The following BRSK1 variants were observed in gnomAD, a reference collection of about 807,000 sequenced individuals.
BRSK1 encodes BR serine/threonine kinase 1.
Under a neutral mutation model 86.2 loss-of-function variants are expected in BRSK1, and 17 were observed. The observed-to-expected ratio is 0.20, with a 90% CI of 0.14 to 0.30. BRSK1 has a LOEUF of 0.30. Ranked by LOEUF, BRSK1 falls within the 10% of genes least tolerant of loss-of-function variation. BRSK1 has a pLI of 1.00. For synonymous variants in BRSK1, 464 were observed against 440.1 expected (o/e 1.05, Z -0.68); for missense variants, 719 against 1,071.9 (o/e 0.67, Z 4.60).
rs1367827975 is a variant in BRSK1 at position 55,289,542 on chromosome 19, G to A, written c.380G>A (p.Arg127Lys). The change falls in exon 4 of 19, where the codon AGA (arginine) becomes AAA (lysine). Residue 127 changes from arginine (R) to lysine (K), a missense_variant. Around this residue, in one of 6 missense-constraint regions of BRSK1, gnomAD observed 75 missense variants for 281.0 expected, o/e 0.27. Coordinates refer to ENST00000309383, the MANE Select transcript of BRSK1 (RefSeq NM_032430.2). ...ELFDYLVKKGRLTPKEARKFF... is the reference protein window; with the variant it reads ...ELFDYLVKKGKLTPKEARKFF... The stretch of plus-strand genomic sequence containing the variant: ...TTCGACTACCTGGTAAAGAAGGGGA[G>A]ACTGACGCCCAAGGAGGCCCGAAAG... 1 of 1,614,102 alleles carries A rather than the reference G, an allele frequency of 6.2e-7. No homozygotes were observed. Among genetic ancestry groups the A allele is most frequent in the Non-Finnish European group, 8.5e-7 (1 of 1,180,012 alleles).
chr19:55,311,333 A>C (rs955049051), intron 18 of BRSK1, among the ~76,000 whole-genome samples: 2 of 152,090 alleles, frequency 1.3e-5, no homozygotes, highest in African/African-American at 4.8e-5. Context: ...GGCCCCATGG[A>C]AATTGCTGGA....
At chr19:55,307,562 A>AAAAG (rs2088673780) in intron 17 of BRSK1, among the ~76,000 whole-genome samples, 1 of 149,480 alleles carries the variant, frequency 6.7e-6, no homozygotes, top group African/African-American at 2.5e-5. Context: ...AAAAAAAAAA[A>AAAAG]AAAAGGCTAA....
chr19:55,295,111 ATTTTATTTTTATTTTTAT>A (rs995585037), intron 7 of BRSK1, among the ~76,000 whole-genome samples: 1 of 149,540 alleles, frequency 6.7e-6, no homozygotes, highest in African/African-American at 2.5e-5. Flanking sequence ...AGCTGAATTT[ATTTTATTTTTATTTTTAT>A]TTTTATTTTT....
At chr19:55,305,409 A>T (rs758748611) in intron 15 of BRSK1, 40 bp downstream of exon 15, 4 of 1,613,856 alleles carry the variant, frequency 2.5e-6, no homozygotes, top group Non-Finnish European at 3.4e-6. Flanking sequence ...GATGCAGGGG[A>T]TTCATGCCCT....
In BRSK1 at chr19:55,304,681, C is replaced by A; in HGVS notation, c.1478C>A (p.Pro493Gln). 2 of 1,484,156 alleles carry A rather than the reference C, an allele frequency of 1.3e-6. No homozygotes were observed. The highest frequency in any genetic ancestry group is 1.3e-5 in the South Asian group (1 of 74,546). 91.9% of individuals were successfully genotyped at this position (1,484,156 alleles called of 1,614,324 possible). A position where few individuals can be genotyped will look rare whatever the true frequency, so the allele number is the denominator to read the frequency against. Residue 493 changes from proline (P) to glutamine (Q), a missense_variant, in exon 14 of 19, where the codon CCG (proline) becomes CAG (glutamine). Physicochemically the swap from Pro to Gln is moderately conservative, Grantham distance 76. Transcript: ENST00000309383. The surrounding 1 kb of genome is among the most constrained non-coding windows in gnomAD (Gnocchi z 5.2). Reference protein sequence around the residue: ...PRGGGAGEQPPPPSARSTPLP... With the variant: ...PRGGGAGEQPQPPSARSTPLP... Reference sequence around the variant, plus strand: ...GGTGGGGGCGCCGGGGAGCAGCCCCCGCCCCCCAGTGCCCGCTCCACACCC... The same window carrying A: ...GGTGGGGGCGCCGGGGAGCAGCCCCAGCCCCCCAGTGCCCGCTCCACACCC...
At chr19:55,299,472 G>A (rs539675911) in intron 7 of BRSK1, among the ~76,000 whole-genome samples, 225 of 146,404 alleles carry the variant, frequency 1.5e-3, no homozygotes, top group Middle Eastern at 7.2e-3. Context: ...TGCAGCCTCC[G>A]CCTCCTGGGT....
rs1258283634 is a variant in BRSK1, at chr19:55,304,906, G to A, written c.1703G>A (p.Arg568Gln). The A allele has an allele frequency of 1.2e-6, 2 of 1,608,240 alleles. No individual in the cohort carries two copies. The highest frequency in any genetic ancestry group is 1.7e-6 in the Non-Finnish European group (2 of 1,179,766). The change falls in exon 14 of 19, where the codon CGG becomes CAG. Residue 568 changes from arginine to glutamine, a missense_variant. Transcript: ENST00000309383. This position sits in a 1 kb window ranked among gnomAD's most constrained non-coding sequence, Gnocchi z 5.2. The stretch of plus-strand genomic sequence containing the variant: ...TTCCTGGGCTCCCCTCGCTTTCACC[G>A]GCGCAAGATGCAGGGTATGGGGGCA... Reference protein sequence around the residue: ...NSFLGSPRFHRRKMQVPTAEE... With the variant: ...NSFLGSPRFHQRKMQVPTAEE...
At chr19:55,298,753 G>A (rs1204580187) in intron 7 of BRSK1, among the ~76,000 whole-genome samples, 2 of 152,078 alleles carry the variant, frequency 1.3e-5, no homozygotes, top group Non-Finnish European at 2.9e-5. Context: ...TTGTGTTGTT[G>A]GTGGCAATTT....
At position 55,303,104 on chromosome 19, in the gene BRSK1, C is replaced by T; in HGVS notation, c.1029-207C>T. 1 of 634,864 alleles carries T rather than the reference C, an allele frequency of 1.6e-6. No homozygotes were observed. The highest frequency in any genetic ancestry group is 2.0e-5 in the South Asian group (1 of 49,086). 39.3% of individuals were successfully genotyped at this position (634,864 alleles called of 1,614,324 possible). ...ACATAGTACTTACAAATAGTTCTTG[C>T]CTGGATGTTAGGTGTTACAGTGTTA... On this transcript the variant is annotated intron_variant, in intron 10 of 18. Transcript: ENST00000309383. This position sits in a 1 kb window ranked among gnomAD's most constrained non-coding sequence, Gnocchi z 5.1.
chr19:55,311,330 T>C (rs1029343931), intron 18 of BRSK1, among the ~76,000 whole-genome samples: 1 of 152,058 alleles, frequency 6.6e-6, no homozygotes, highest in African/African-American at 2.4e-5. Context: ...CTAGGCCCCA[T>C]GGAAATTGCT....
At position 55,307,125 on chromosome 19, in the gene BRSK1, G is replaced by A. The variant is rs142753703; in HGVS notation, c.2089+675G>A. Among the ~76,000 whole-genome samples, 57 of 152,324 alleles carry A rather than the reference G, an allele frequency of 3.7e-4. No homozygotes were observed. The East Asian group carries it at 0.011, about 28-fold the overall frequency. ...CATTTGGATAGGGAGGGATATCGCCGATCTCTTTGTCACCAATATTAATAT... is the reference window on the plus strand; with the variant it reads ...CATTTGGATAGGGAGGGATATCGCCAATCTCTTTGTCACCAATATTAATAT... On this transcript the variant is annotated intron_variant, in intron 17 of 18. Transcript: ENST00000309383.
chr19:55,311,225 A>G (rs1165157941), intron 18 of BRSK1, among the ~76,000 whole-genome samples: 1 of 152,012 alleles, frequency 6.6e-6, no homozygotes, highest in Non-Finnish European at 1.5e-5. Flanking sequence ...GCCTCCCAAA[A>G]TGCTGGGATT....
At chr19:55,288,066 G>C (rs1331705955) in intron 3 of BRSK1, 1 of 153,056 alleles carries the variant, frequency 6.5e-6, no homozygotes, top group African/African-American at 2.4e-5. Context: ...GTGGTGGTAG[G>C]GAGGGGCTAT....
At chr19:55,290,390 T>C (rs185493913) in intron 4 of BRSK1, among the ~76,000 whole-genome samples, 2 of 152,318 alleles carry the variant, frequency 1.3e-5, no homozygotes, top group Admixed American at 1.3e-4. Context: ...AACAAGAGAT[T>C]ACTCTAGGAA....
Position 55,311,918 on chromosome 19 carries a change from G to A in BRSK1, c.2187G>A (p.Lys729=), listed in dbSNP as rs769503811. ...CCTCTTCCTCCCTTGCAGACGAGAA[G>A]AACGGGGCCCAGACCCGGCCTGCTG... ...QPSVQALADE[K]NGAQTRPAGA... Residue 729 remains lysine (K), a synonymous_variant, in exon 19 of 19, where the codon AAG becomes AAA. Coordinates refer to ENST00000309383, the MANE Select transcript of BRSK1 (RefSeq NM_032430.2). The A allele has an allele frequency of 8.7e-6, 14 of 1,611,620 alleles. No homozygotes were observed. The highest frequency in any genetic ancestry group is 1.2e-5 in the Non-Finnish European group (14 of 1,179,218).
chr19:55,294,226 T>C lies in BRSK1; in HGVS notation c.588T>C (p.Tyr196=), dbSNP rs2088451523. ...LLETSCGSPH[Y]ACPEVIKGEK... ...CTCTCTCCCTCAGGTCCCCCCATTA[T>C]GCGTGTCCAGAGGTGATTAAGGTGA... Residue 196 remains tyrosine (Y), a synonymous_variant, in exon 6 of 19, where the codon TAT becomes TAC. Transcript: ENST00000309383. The surrounding 1 kb of genome is among the most constrained non-coding windows in gnomAD (Gnocchi z 4.9). 2 of 1,613,968 alleles carry C rather than the reference T, an allele frequency of 1.2e-6. No homozygotes were observed. Among genetic ancestry groups the C allele is most frequent in the African/African-American group, 1.3e-5 (1 of 75,016 alleles).
rs2078704113 is a variant in BRSK1, at chr19:55,302,963, C to T, written c.1028+96C>T. 1.4e-6 allele frequency: 2 copies of T among 1,479,708 alleles called. No homozygotes were observed. Among genetic ancestry groups the T allele is most frequent in the Admixed American group, 4.3e-5 (2 of 46,710 alleles). 91.7% of individuals were successfully genotyped at this position (1,479,708 alleles called of 1,614,324 possible). On this transcript the variant is annotated intron_variant, in intron 10 of 18. Transcript: ENST00000309383. This position sits in a 1 kb window ranked among gnomAD's most constrained non-coding sequence, Gnocchi z 6.3. ...AGAGTGCTGGGCGAGGAACCCTGGCCTCTCATGGGGCATGGTTTGAAGCTC... is the reference window on the plus strand; with the variant it reads ...AGAGTGCTGGGCGAGGAACCCTGGCTTCTCATGGGGCATGGTTTGAAGCTC...
rs1046521590 is a variant in BRSK1, at chr19:55,303,769, G to C, written c.1229G>C (p.Gly410Ala). 1 of 1,612,902 alleles carries C rather than the reference G, an allele frequency of 6.2e-7. No homozygotes were observed. Among genetic ancestry groups the C allele is most frequent in the African/African-American group, 1.3e-5 (1 of 75,006 alleles). The change falls in exon 12 of 19, where the codon GGT becomes GCT. Residue 410 changes from glycine (G) to alanine (A), a missense_variant. By Grantham distance (60) the Gly-to-Ala change is moderately conservative (BLOSUM62 0). Transcript: ENST00000309383. The surrounding 1 kb of genome is among the most constrained non-coding windows in gnomAD (Gnocchi z 5.1). ...MEVLSITDAG[G>A]GGSPVPTRRA... ...GTCCTGAGCATCACCGATGCCGGGG[G>C]TGGTGGCTCCCCTGTACCCACCCGA...
Position 55,304,924 on chromosome 19 carries a change from T to TG in BRSK1, c.1717+9dup. Reference sequence around the variant, plus strand: ...TTTCACCGGCGCAAGATGCAGGGTATGGGGGCATGAACTGCCGAGTCCTAA... The same window carrying TG: ...TTTCACCGGCGCAAGATGCAGGGTATGGGGGGCATGAACTGCCGAGTCCTAA... On this transcript the variant is annotated splice_donor_region_variant and intron_variant, in intron 14 of 18. Coordinates refer to ENST00000309383, the MANE Select transcript of BRSK1 (RefSeq NM_032430.2). The surrounding 1 kb of genome is among the most constrained non-coding windows in gnomAD (Gnocchi z 5.2). The TG allele has an allele frequency of 2.5e-6, 4 of 1,606,362 alleles. No homozygotes were observed. Among genetic ancestry groups the TG allele is most frequent in the Non-Finnish European group, 3.4e-6 (4 of 1,179,706 alleles).
Sources: gnomAD v4.1 joint callset for allele counts (sites outside exome capture counted in the v4.1 genomes callset) on GRCh38, gnomAD v4.1.1 for gene constraint, gnomAD v4.1.1 regional missense constraint, Gnocchi (gnomAD v3.1) non-coding constraint, MANE v1.5 for transcripts, NCBI Gene and HGNC (gene_info 2026-07-23, HGNC 2026-07-21) for gene names.